The following KHDRBS3 variants were observed in gnomAD, a reference collection of about 807,000 sequenced individuals.
KHDRBS3 encodes KH domain-containing, RNA-binding, signal transduction-associated protein 3.
KHDRBS3 carries 23 observed loss-of-function variants against 45.6 expected under a neutral mutation model. The ratio of observed to expected loss-of-function variants is 0.50; its 90% confidence interval spans 0.36 to 0.72. KHDRBS3 has a LOEUF of 0.72. Among genes scored for constraint, KHDRBS3 ranks in the 30% least tolerant of loss-of-function variants. The probability of loss-of-function intolerance (pLI) is 0.00; values close to 1 mark genes in which losing one functional copy is unlikely to be tolerated. For missense variants in KHDRBS3, 352 were observed against 424.8 expected, an observed-to-expected ratio of 0.83 and a Z score of 1.51; for synonymous variants, 162 against 156.5, an observed-to-expected ratio of 1.04 and a Z score of -0.26.
At chr8:135,572,429 T>C (rs865825646) in intron 5 of KHDRBS3, among the ~76,000 whole-genome samples, 6 of 152,238 alleles carry the variant, frequency 3.9e-5, no homozygotes, top group Middle Eastern at 3.2e-3. Flanking sequence ...TCTTTTATAC[T>C]CTATACAATG....
At chr8:135,507,573 A>T (rs1395129896) in intron 1 of KHDRBS3, among the ~76,000 whole-genome samples, 1 of 152,202 alleles carries the variant, frequency 6.6e-6, no homozygotes, top group Non-Finnish European at 1.5e-5. Context: ...TACGTTTTTA[A>T]CGTGTAACTT....
At chr8:135,568,442 A>G (rs980016646) in intron 5 of KHDRBS3, among the ~76,000 whole-genome samples, 2 of 152,322 alleles carry the variant, frequency 1.3e-5, no homozygotes, top group East Asian at 3.9e-4. Context: ...TAAAATCTGT[A>G]AACGTACTGG....
At chr8:135,617,905 C>T (rs1829985688) in intron 7 of KHDRBS3, among the ~76,000 whole-genome samples, 1 of 152,110 alleles carries the variant, frequency 6.6e-6, no homozygotes, top group South Asian at 2.1e-4. Flanking sequence ...TGTTTAGAGT[C>T]CTAAAATGTG....
intron 1 of KHDRBS3, among the ~76,000 whole-genome samples, chr8:135,506,915 C>A (rs1824028088): frequency 6.6e-6 from 1 of 151,700 alleles, no homozygotes; most frequent in Non-Finnish European, 1.5e-5. Context: ...TCTCCTGAAT[C>A]ATTTATCCTG....
chr8:135,464,619 G>C (rs34887437), intron 1 of KHDRBS3, among the ~76,000 whole-genome samples: 16 of 152,306 alleles, frequency 1.1e-4, no homozygotes, highest in Admixed American at 2.0e-4. Flanking sequence ...TTTCTGGAAG[G>C]GGGGAATATG....
At chr8:135,511,829 A>G (rs1244144761) in intron 1 of KHDRBS3, among the ~76,000 whole-genome samples, 1 of 152,134 alleles carries the variant, frequency 6.6e-6, no homozygotes, top group Non-Finnish European at 1.5e-5. Flanking sequence ...AAGTGCTAGG[A>G]TTACAGGCGT....
intron 7 of KHDRBS3, 150 bp downstream of exon 7, chr8:135,607,187 C>T (rs2131028954): frequency 3.7e-6 from 2 of 535,508 alleles, no homozygotes; most frequent in East Asian, 6.1e-5. Context: ...CCTGTCTGTT[C>T]TAGCAACCAG....
chr8:135,530,059 CAA>C (rs11428464), intron 2 of KHDRBS3, among the ~76,000 whole-genome samples: 4 of 136,588 alleles, frequency 2.9e-5, no homozygotes, highest in Non-Finnish European at 3.1e-5. Flanking sequence ...ACTCCCATCT[CAA>C]AAAAAAAAAA....
At chr8:135,551,740 C>CT (rs1421458493) in intron 4 of KHDRBS3, among the ~76,000 whole-genome samples, 4 of 152,042 alleles carry the variant, frequency 2.6e-5, no homozygotes, top group Non-Finnish European at 2.9e-5. Context: ...TTTATATTAA[C>CT]TTATACTATT....
intron 1 of KHDRBS3, among the ~76,000 whole-genome samples, chr8:135,481,997 G>A (rs1260272264): frequency 6.6e-6 from 1 of 152,130 alleles, no homozygotes; most frequent in Non-Finnish European, 1.5e-5. Context: ...GTGTTTGGTT[G>A]CCTTTCAAAT....
intron 7 of KHDRBS3, among the ~76,000 whole-genome samples, chr8:135,620,661 C>T (rs28599557): frequency 0.075 from 11,460 of 152,128 alleles, 691 homozygotes; most frequent in African/African-American, 0.16. Context: ...GGACAATTTG[C>T]CTTTCTTTGT....
At chr8:135,600,536 C>G (rs1829162169) in intron 6 of KHDRBS3, among the ~76,000 whole-genome samples, 1 of 152,106 alleles carries the variant, frequency 6.6e-6, no homozygotes, top group Admixed American at 6.5e-5. Flanking sequence ...TAATGCCTTC[C>G]TAGGTGTGTG....
intron 2 of KHDRBS3, among the ~76,000 whole-genome samples, chr8:135,523,200 A>G (rs1586658532): frequency 2.6e-5 from 4 of 152,304 alleles, no homozygotes; most frequent in South Asian, 4.1e-4. Context: ...CTACAAAACC[A>G]TCTGCTGGGA....
At chr8:135,580,377 A>T (rs1288028415) in intron 5 of KHDRBS3, among the ~76,000 whole-genome samples, 2 of 152,148 alleles carry the variant, frequency 1.3e-5, no homozygotes, top group African/African-American at 4.8e-5. Context: ...TATGGAGTTG[A>T]TGCTTTCTTT....
intron 2 of KHDRBS3, 116 bp downstream of exon 2, chr8:135,521,471 A>G (rs1281915789): frequency 1.7e-6 from 1 of 582,884 alleles, no homozygotes; most frequent in Non-Finnish European, 3.0e-6. Context: ...ATCCCCCTAC[A>G]CACACTTTTA....
intron 8 of KHDRBS3, among the ~76,000 whole-genome samples, 177 bp from the exon 9 acceptor site, chr8:135,646,816 C>A (rs1831308665): frequency 6.6e-6 from 1 of 152,106 alleles, no homozygotes; most frequent in Non-Finnish European, 1.5e-5. Flanking sequence ...ATTATTTTTC[C>A]TTGTGTTTGT....
chr8:135,571,223 A>G (rs1370167916), intron 5 of KHDRBS3, among the ~76,000 whole-genome samples: 1 of 152,110 alleles, frequency 6.6e-6, no homozygotes, highest in Non-Finnish European at 1.5e-5. Flanking sequence ...TTGCCAACTT[A>G]TTTTTTCCTA....
chr8:135,621,810 A>G (rs1439873111), intron 7 of KHDRBS3, among the ~76,000 whole-genome samples: 2 of 152,102 alleles, frequency 1.3e-5, no homozygotes, highest in African/African-American at 4.8e-5. Flanking sequence ...CTAGGAAGGA[A>G]GGTGCACTAA....
intron 6 of KHDRBS3, among the ~76,000 whole-genome samples, chr8:135,585,928 G>C (rs1828450261): frequency 6.6e-6 from 1 of 152,132 alleles, no homozygotes; most frequent in Non-Finnish European, 1.5e-5. Flanking sequence ...CATGTGATGG[G>C]AAGAAATATG....
Sources: allele counts gnomAD v4.1 joint callset (sites outside exome capture counted in the v4.1 genomes callset), GRCh38; gene constraint gnomAD v4.1.1; transcripts MANE v1.5; gene names NCBI Gene and HGNC (gene_info 2026-07-23, HGNC 2026-07-21).